Variants in PAXBP1 observed in about 807,000 individuals in gnomAD.
The protein encoded by PAXBP1 is PAX3- and PAX7-binding protein 1.
Under a neutral mutation model 119.9 loss-of-function variants are expected in PAXBP1, and 44 were observed. That is an observed-to-expected ratio of 0.37 (90% CI 0.29 to 0.47). PAXBP1 has a LOEUF of 0.47. Ranked by LOEUF, PAXBP1 falls within the 20% of genes least tolerant of loss-of-function variation. The pLI is 0.99. For synonymous variants in PAXBP1, 393 were observed against 406.6 expected, an observed-to-expected ratio of 0.97 and a Z score of 0.40; for missense variants, 898 against 1,134.1, an observed-to-expected ratio of 0.79 and a Z score of 2.99.
intron 10 of PAXBP1, among the ~76,000 whole-genome samples, 184 bp downstream of exon 10, chr21:32,750,733 C>A (rs534486226): frequency 1.3e-5 from 2 of 152,236 alleles, no homozygotes; most frequent in African/African-American, 4.8e-5. Context: ...GAAGATGTTA[C>A]CCCTATTTTT....
At chr21:32,743,404 A>G (rs1345611899) in intron 14 of PAXBP1, 90 bp from the exon 15 acceptor site, 1 of 870,616 alleles carries the variant, frequency 1.1e-6, no homozygotes, top group Admixed American at 3.4e-5. Context: ...TCTACAAAAC[A>G]GGTAAACAAA....
At chr21:32,745,056 C>T (rs2043852780) in intron 12 of PAXBP1, 143 bp from the exon 13 acceptor site, 2 of 898,652 alleles carry the variant, frequency 2.2e-6, no homozygotes, top group Non-Finnish European at 3.3e-6. Context: ...GTCCTATTAA[C>T]TGTGGGAATT....
At position 32,741,630 on chromosome 21, in the gene PAXBP1, CAA is replaced by C. The variant is rs1569154906; in HGVS notation, c.2334+1616_2334+1617del. On this transcript the variant is annotated intron_variant, in intron 15 of 17. Coordinates refer to ENST00000331923, the MANE Select transcript of PAXBP1 (RefSeq NM_016631.4). ...GAATGGGGGTTTTATGACCTATAAT[CAA>C]ACAAGGTAGGTCAGATGTTTTATGG... The C allele has an allele frequency of 4.1e-6, 3 of 727,060 alleles. No individual in the cohort carries two copies. In the South Asian group the frequency reaches 4.3e-5, roughly 10 times the overall value. 45.0% of individuals were successfully genotyped at this position (727,060 alleles called of 1,614,324 possible).
chr21:32,771,730 C>T lies in PAXBP1; in HGVS notation c.-62G>A. ...ACACCGCGGCCCCGGCAGCGCCGAG[C>T]TCGTGACGGCGCACGCGCGCTCTCC... On this transcript the variant is annotated 5_prime_UTR_variant, in exon 1 of 18. Transcript: ENST00000331923. 2.3e-6 allele frequency: 3 copies of T among 1,290,932 alleles called. No homozygotes were observed. Among genetic ancestry groups the T allele is most frequent in the Non-Finnish European group, 3.0e-6 (3 of 1,008,268 alleles). 80.0% of individuals were successfully genotyped at this position (1,290,932 alleles called of 1,614,324 possible).
intron 2 of PAXBP1, among the ~76,000 whole-genome samples, chr21:32,768,429 T>C (rs996072288): frequency 2.6e-5 from 4 of 152,372 alleles, no homozygotes; most frequent in East Asian, 1.9e-4. Context: ...AAATCCAATA[T>C]GGCAAAGTGT....
chr21:32,743,173 AC>A (rs2043814632), intron 15 of PAXBP1, 74 bp downstream of exon 15: 2 of 1,147,972 alleles, frequency 1.7e-6, no homozygotes, highest in Admixed American at 2.1e-5. Context: ...TTAATAAAAA[AC>A]AAAACACTCT....
chr21:32,740,096 C>T (rs1056621079), intron 15 of PAXBP1, among the ~76,000 whole-genome samples: 4 of 152,070 alleles, frequency 2.6e-5, no homozygotes, highest in Non-Finnish European at 4.4e-5. Flanking sequence ...CTGGGGACCC[C>T]GCTGAGGGCA....
intron 2 of PAXBP1, among the ~76,000 whole-genome samples, chr21:32,767,245 C>T (rs1027128544): frequency 3.3e-5 from 5 of 152,190 alleles, no homozygotes; most frequent in Admixed American, 3.3e-4. Flanking sequence ...ATTGTCTCTG[C>T]CTACTATAGA....
intron 2 of PAXBP1, among the ~76,000 whole-genome samples, chr21:32,767,706 T>TG (rs2083224665): frequency 6.6e-6 from 1 of 152,192 alleles, no homozygotes; most frequent in Non-Finnish European, 1.5e-5. Flanking sequence ...GCTGCCGCCA[T>TG]GTAAAAAGTG....
chr21:32,769,776 T>C (rs761366884), intron 2 of PAXBP1, 38 bp downstream of exon 2: 2 of 1,590,254 alleles, frequency 1.3e-6, no homozygotes, highest in East Asian at 2.3e-5. Context: ...AGCTTTCATT[T>C]TGTCATTTCA....
intron 15 of PAXBP1, chr21:32,741,445 A>G (rs2043782548): frequency 1.6e-6 from 1 of 621,472 alleles, no homozygotes; most frequent in African/African-American, 1.8e-5. Flanking sequence ...TACTATGTTT[A>G]GGTTTAACGA....
At chr21:32,766,348 T>C (rs1035496466) in intron 2 of PAXBP1, among the ~76,000 whole-genome samples, 3 of 152,148 alleles carry the variant, frequency 2.0e-5, no homozygotes, top group Non-Finnish European at 4.4e-5. Context: ...TGGTCACATG[T>C]TACCCTTCCA....
At chr21:32,761,253 A>G (rs2044140746) in intron 4 of PAXBP1, 91 bp from the exon 5 acceptor site, 1 of 921,684 alleles carries the variant, frequency 1.1e-6, no homozygotes. Context: ...GAACTGAGCA[A>G]AACTATTAAC....
intron 4 of PAXBP1, 110 bp downstream of exon 4, chr21:32,761,986 G>A (rs555423301): frequency 2.9e-5 from 32 of 1,090,662 alleles, no homozygotes; most frequent in Non-Finnish European, 3.9e-5. Flanking sequence ...ACTGCAGTGA[G>A]CTATGATTGT....
intron 3 of PAXBP1, among the ~76,000 whole-genome samples, chr21:32,762,538 T>A (rs2044166980): frequency 6.6e-6 from 1 of 152,076 alleles, no homozygotes; most frequent in South Asian, 2.1e-4. Flanking sequence ...ATAATGGTAA[T>A]ATATATGGGA....
At chr21:32,766,529 A>T (rs757454166) in intron 2 of PAXBP1, among the ~76,000 whole-genome samples, 1 of 152,088 alleles carries the variant, frequency 6.6e-6, no homozygotes, top group Non-Finnish European at 1.5e-5. Flanking sequence ...CTCTTCATCA[A>T]AAGAGCTTTC....
chr21:32,760,095 T>C (rs760957483), intron 5 of PAXBP1, 101 bp from the exon 6 acceptor site: 1 of 864,410 alleles, frequency 1.2e-6, no homozygotes, highest in Non-Finnish European at 1.8e-6. Context: ...ATTATACCTA[T>C]TTGCCAAATA....
At chr21:32,749,911 TA>T (rs2043933469) in intron 10 of PAXBP1, among the ~76,000 whole-genome samples, 1 of 152,078 alleles carries the variant, frequency 6.6e-6, no homozygotes, top group Non-Finnish European at 1.5e-5. Flanking sequence ...ATTCCAGATT[TA>T]AAAATGTCAT....
chr21:32,745,763 A>G (rs1457572840), intron 11 of PAXBP1, 45 bp from the exon 12 acceptor site: 1 of 1,606,360 alleles, frequency 6.2e-7, no homozygotes, highest in Admixed American at 1.7e-5. Flanking sequence ...AATAGTGGCT[A>G]TTTCTGCTTC....
Sources: gnomAD v4.1 joint callset for allele counts (sites outside exome capture counted in the v4.1 genomes callset) on GRCh38, gnomAD v4.1.1 for gene constraint, MANE v1.5 for transcripts, NCBI Gene and HGNC (gene_info 2026-07-23, HGNC 2026-07-21) for gene names.